Variants in NTN1 observed in about 807,000 individuals in gnomAD.
The protein encoded by NTN1 is netrin-1.
In NTN1, 11 loss-of-function variants were observed where a neutral mutation model predicts 54.2. The ratio of observed to expected loss-of-function variants is 0.20; its 90% CI spans 0.13 to 0.34. The LOEUF is 0.34. Ranked by LOEUF, NTN1 falls within the 10% of genes least tolerant of loss-of-function variation. NTN1 has a pLI of 1.00. For missense variants in NTN1, 740 were observed against 893.1 expected, an observed-to-expected ratio of 0.83 and a Z score of 2.18; for synonymous variants, 371 against 382.0, an observed-to-expected ratio of 0.97 and a Z score of 0.33.
chr17:9,228,164 C>T (rs1905664658), intron 6 of NTN1, among the ~76,000 whole-genome samples: 1 of 152,138 alleles, frequency 6.6e-6, no homozygotes, highest in African/African-American at 2.4e-5. Flanking sequence ...CGGGTTGCAG[C>T]CTGAGGTGGG....
At chr17:9,128,000 C>G (rs547824624) in intron 2 of NTN1, among the ~76,000 whole-genome samples, 19 of 151,990 alleles carry the variant, frequency 1.3e-4, no homozygotes, top group Non-Finnish European at 2.6e-4. Flanking sequence ...GCCTGTAATC[C>G]CAGCTACTCA....
chr17:9,182,795 G>A (rs915009709), intron 4 of NTN1, 121 bp from the exon 5 acceptor site: 17 of 985,362 alleles, frequency 1.7e-5, no homozygotes, highest in Non-Finnish European at 2.1e-5. Context: ...AGTGGGAAAC[G>A]GAGGGGAGGG....
chr17:9,181,311 C>T (rs1403731446), intron 4 of NTN1, among the ~76,000 whole-genome samples: 1 of 152,178 alleles, frequency 6.6e-6, no homozygotes, highest in Non-Finnish European at 1.5e-5. Context: ...TGTTTTGTCC[C>T]AGCTTGGGCA....
the NTN1 span, among the ~76,000 whole-genome samples, chr17:9,011,000 G>A: frequency 2.4e-4 from 36 of 151,956 alleles, no homozygotes; most frequent in Admixed American, 1.6e-3. Context: ...GGGGTGATGG[G>A]AGACAGTGAC....
chr17:9,020,623 C>T (rs2091842850), upstream of NTN1, among the ~76,000 whole-genome samples: 1 of 152,214 alleles, frequency 6.6e-6, no homozygotes, highest in South Asian at 2.1e-4. Context: ...GTTAATACAA[C>T]AGCAAAGCTG....
In NTN1 at chr17:9,233,566, C is replaced by G. The variant is rs147869315; in HGVS notation, c.1487-6074C>G. On this transcript the variant is annotated intron_variant, in intron 6 of 6. Transcript: ENST00000173229. ...CACAGGCTATGGTGGCTCCTGGGCC[C>G]GGACTGGAACTGGGGAGGGAGGGAG... Among the ~76,000 whole-genome samples the G allele has an allele frequency of 5.1e-4, 77 of 152,042 alleles. 1 individual carries two copies. Among genetic ancestry groups the G allele is most frequent in the African/African-American group, 1.6e-3 (65 of 41,350 alleles).
At chr17:9,038,265 C>CTCACACACACACA (rs55982115) in intron 2 of NTN1, among the ~76,000 whole-genome samples, 124 of 144,172 alleles carry the variant, frequency 8.6e-4, no homozygotes, top group East Asian at 1.8e-3. Context: ...TTCTCTCTCT[C>CTCACACACACACA]CACACACACA....
At chr17:9,105,259 T>C (rs11869861) in intron 2 of NTN1, among the ~76,000 whole-genome samples, 80,835 of 152,084 alleles carry the variant, frequency 0.53, 22,229 homozygotes, top group East Asian at 0.95. Flanking sequence ...GTCTGCTCCA[T>C]CTGCCCAGTC....
chr17:9,202,096 C>G, intron 5 of NTN1, among the ~76,000 whole-genome samples: 1 of 125,498 alleles, frequency 8.0e-6, no homozygotes, highest in African/African-American at 3.4e-5. Flanking sequence ...AAAAACTTAG[C>G]CAGGTATGGT....
chr17:9,019,028 G>A (rs1198607104), upstream of NTN1, among the ~76,000 whole-genome samples: 2 of 152,198 alleles, frequency 1.3e-5, no homozygotes, highest in African/African-American at 4.8e-5. Context: ...TGGACACTGG[G>A]AATTGTGTAA....
chr17:9,239,727 C>T lies in NTN1; in HGVS notation c.1574C>T (p.Thr525Met), dbSNP rs767874469. ...ATCATCTCCGTGTATAAGCAGGGCACGAGCCGCATCCGCCGCGGTGACCAG... is the reference window on the plus strand; with the variant it reads ...ATCATCTCCGTGTATAAGCAGGGCATGAGCCGCATCCGCCGCGGTGACCAG... Reference protein sequence around the residue: ...VNIISVYKQGTSRIRRGDQSL... With the variant: ...VNIISVYKQGMSRIRRGDQSL... Residue 525 changes from threonine to methionine, a missense_variant, in exon 7 of 7, where the codon ACG (threonine) becomes ATG (methionine). By Grantham distance (81) the Thr-to-Met change is moderately conservative. Transcript: ENST00000173229. This position sits in a 1 kb window ranked among gnomAD's most constrained non-coding sequence, Gnocchi z 5.2. 3.1e-6 allele frequency: 5 copies of T among 1,600,508 alleles called. No homozygotes were observed. The highest frequency in any genetic ancestry group is 1.7e-4 in the Middle Eastern group (1 of 5,876).
chr17:9,085,177 TG>T (rs1237000861), intron 2 of NTN1, among the ~76,000 whole-genome samples: 14 of 152,098 alleles, frequency 9.2e-5, no homozygotes, highest in African/African-American at 3.4e-4. Flanking sequence ...GGCTGGGTGG[TG>T]GGGATGCGTG....
rs1488684219 is a variant in NTN1, at chr17:9,215,272, CACACACACACACACACAT to C, written c.1412-5888_1412-5871del. Among the ~76,000 whole-genome samples the C allele has an allele frequency of 5.4e-5, 8 of 149,042 alleles. No homozygotes were observed. The East Asian group carries it at 9.6e-4, about 18-fold the overall frequency. ...AGATACACACACACACACACACACACACACACACACACACACATACACACATGGGGACAGAGAAGGAGA... is the reference window on the plus strand; with the variant it reads ...AGATACACACACACACACACACACACACACACATGGGGACAGAGAAGGAGA... On this transcript the variant is annotated intron_variant, in intron 5 of 6. Transcript: ENST00000173229.
chr17:9,230,567 C>T (rs1905773753), intron 6 of NTN1, among the ~76,000 whole-genome samples: 1 of 152,138 alleles, frequency 6.6e-6, no homozygotes, highest in South Asian at 2.1e-4. Flanking sequence ...GCCAGTCGGT[C>T]CCCATGACAG....
In NTN1 at chr17:9,154,882, C is replaced by T. The variant is rs3744654; in HGVS notation, c.1019-7931C>T. Among the ~76,000 whole-genome samples, 181 of 152,262 alleles carry T rather than the reference C, an allele frequency of 1.2e-3. 4 individuals are homozygous for T. In the East Asian group the frequency reaches 0.026, roughly 22 times the overall value. On this transcript the variant is annotated intron_variant, in intron 2 of 6. Transcript: ENST00000173229. ...CCCATCACAGGCCCCTGCGGTTGAA[C>T]CTCCCTTTACCTCCTTGCAAAGGCT...
chr17:9,073,959 T>C (rs2092041043), intron 2 of NTN1, among the ~76,000 whole-genome samples: 1 of 152,174 alleles, frequency 6.6e-6, no homozygotes, highest in Non-Finnish European at 1.5e-5. Context: ...TGGGAAACCA[T>C]GTGGAAGCAG....
chr17:9,056,826 G>T (rs1349092210), intron 2 of NTN1, among the ~76,000 whole-genome samples: 4 of 152,172 alleles, frequency 2.6e-5, no homozygotes, highest in Admixed American at 2.6e-4. Flanking sequence ...GTGAGATGTG[G>T]CAATGGCTTT....
At chr17:9,198,442 C>T (rs972366166) in intron 5 of NTN1, among the ~76,000 whole-genome samples, 1 of 152,184 alleles carries the variant, frequency 6.6e-6, no homozygotes, top group African/African-American at 2.4e-5. Flanking sequence ...GAGCTGCGTG[C>T]AGCTGGGTGC....
chr17:9,197,000 A>G (rs1028985705), intron 5 of NTN1, among the ~76,000 whole-genome samples: 30 of 151,976 alleles, frequency 2.0e-4, no homozygotes, highest in African/African-American at 6.8e-4. Context: ...GGGAATATTT[A>G]CACTTCGGAA....
Sources: allele counts gnomAD v4.1 joint callset (sites outside exome capture counted in the v4.1 genomes callset), GRCh38; gene constraint gnomAD v4.1.1; non-coding constraint Gnocchi (gnomAD v3.1); transcripts MANE v1.5; gene names NCBI Gene and HGNC (gene_info 2026-07-23, HGNC 2026-07-21).